Variants in GRM8 observed in about 807,000 individuals in gnomAD.
GRM8 encodes the protein metabotropic glutamate receptor 8.
GRM8 carries 47 observed loss-of-function variants against 87.2 expected under a neutral mutation model. That is an observed-to-expected ratio of 0.54 (90% CI 0.43 to 0.69). GRM8 has a LOEUF of 0.69. GRM8 is among the 30% of genes least tolerant of loss of function. The pLI, the probability that GRM8 is intolerant of heterozygous loss-of-function variation, is 0.00. For missense variants in GRM8, 1,019 were observed against 1,139.2 expected (o/e 0.89, Z 1.52); for synonymous variants, 396 against 404.5 (o/e 0.98, Z 0.25).
intron 2 of GRM8, among the ~76,000 whole-genome samples, chr7:127,209,267 G>A (rs755293723): frequency 6.6e-6 from 1 of 152,152 alleles, no homozygotes; most frequent in Non-Finnish European, 1.5e-5. Flanking sequence ...GCAGTGGCTG[G>A]AAAGAAATTA....
chr7:126,813,848 C>A (rs555102796), intron 6 of GRM8, among the ~76,000 whole-genome samples: 1 of 152,142 alleles, frequency 6.6e-6, no homozygotes, highest in African/African-American at 2.4e-5. Flanking sequence ...AACAAGTAAC[C>A]AAGGCTCATG....
At chr7:127,087,973 T>C (rs941801806) in intron 3 of GRM8, among the ~76,000 whole-genome samples, 2 of 152,116 alleles carry the variant, frequency 1.3e-5, no homozygotes, top group Non-Finnish European at 2.9e-5. Flanking sequence ...CAATCACACA[T>C]GGAATTCCAT....
At chr7:126,844,126 A>G (rs1292761001) in intron 6 of GRM8, among the ~76,000 whole-genome samples, 1 of 152,234 alleles carries the variant, frequency 6.6e-6, no homozygotes, top group Non-Finnish European at 1.5e-5. Context: ...ATTGGAATCT[A>G]CTGACATAAA....
At chr7:127,040,850 A>T (rs914012039) in intron 3 of GRM8, among the ~76,000 whole-genome samples, 1 of 152,180 alleles carries the variant, frequency 6.6e-6, no homozygotes, top group African/African-American at 2.4e-5. Flanking sequence ...CGAGCTGTCT[A>T]ATATGCTACA....
At chr7:126,903,697 A>G (rs531023184) in intron 5 of GRM8, among the ~76,000 whole-genome samples, 147 of 141,610 alleles carry the variant, frequency 1.0e-3, no homozygotes, top group African/African-American at 3.7e-3. Flanking sequence ...GTATATGTGT[A>G]TATATATATG....
In GRM8 at chr7:127,211,175, G is replaced by A. The variant is rs1003619434; in HGVS notation, c.510+31520C>T. ...CTACAACAGGCCATTTGCAAGTTGA[G>A]GAGCAAGGAAGCGAGTCTGAGTCCC... On this transcript the variant is annotated intron_variant, in intron 2 of 10. Coordinates refer to ENST00000339582, the MANE Select transcript of GRM8 (RefSeq NM_000845.3). 3.5e-4 allele frequency among the ~76,000 whole-genome samples: 54 copies of A among 152,196 alleles called. 1 individual carries two copies. The highest frequency in any genetic ancestry group is 1.2e-3 in the African/African-American group (49 of 41,450).
At chr7:126,722,016 A>G (rs1320335785) in intron 7 of GRM8, among the ~76,000 whole-genome samples, 4 of 152,150 alleles carry the variant, frequency 2.6e-5, no homozygotes, top group Non-Finnish European at 4.4e-5. Context: ...TGACTAATTT[A>G]TATGCATGTT....
At chr7:126,529,987 A>C (rs1814544615) in intron 9 of GRM8, among the ~76,000 whole-genome samples, 1 of 152,194 alleles carries the variant, frequency 6.6e-6, no homozygotes, top group African/African-American at 2.4e-5. Context: ...TCTATTGGGA[A>C]AAATGATTCA....
intron 6 of GRM8, among the ~76,000 whole-genome samples, chr7:126,791,907 G>A (rs1186760406): frequency 6.6e-6 from 1 of 152,190 alleles, no homozygotes; most frequent in Non-Finnish European, 1.5e-5. Context: ...AGGCACACCT[G>A]AGCACTCTGT....
chr7:126,512,244 G>T lies in GRM8; in HGVS notation c.2430+20708C>A, dbSNP rs879577108. 1.9e-4 allele frequency: 29 copies of T among 152,214 alleles called. 1 individual carries two copies. Among genetic ancestry groups the T allele is most frequent in the Admixed American group, 1.6e-3 (25 of 15,254 alleles). 9.4% of individuals were successfully genotyped at this position (152,214 alleles called of 1,614,324 possible). ...TGATCAACTGGTATATTCAGCTATG[G>T]CTGGAAAGAGAGAGTTCCCAGGCAA... is the stretch of plus-strand genomic sequence containing the variant. On this transcript the variant is annotated intron_variant, in intron 9 of 10. Coordinates refer to ENST00000339582, the MANE Select transcript of GRM8 (RefSeq NM_000845.3).
chr7:126,571,047 C>T (rs1794649435), intron 8 of GRM8, among the ~76,000 whole-genome samples: 2 of 152,192 alleles, frequency 1.3e-5, no homozygotes, highest in South Asian at 2.1e-4. Context: ...TCAAACCACA[C>T]TGACACAGCT....
At chr7:126,750,134 A>G (rs1385624139) in intron 7 of GRM8, among the ~76,000 whole-genome samples, 2 of 152,276 alleles carry the variant, frequency 1.3e-5, no homozygotes, top group African/African-American at 4.8e-5. Flanking sequence ...TGATATGCAA[A>G]AAGGGAGGTG....
intron 7 of GRM8, among the ~76,000 whole-genome samples, chr7:126,631,818 T>C (rs761345764): frequency 1.2e-4 from 18 of 152,208 alleles, no homozygotes; most frequent in Non-Finnish European, 2.4e-4. Flanking sequence ...CTGGGAGAAC[T>C]GGCTAGCCAT....
chr7:126,798,113 G>A (rs539588640), intron 6 of GRM8, among the ~76,000 whole-genome samples: 1 of 152,164 alleles, frequency 6.6e-6, no homozygotes, highest in South Asian at 2.1e-4. Context: ...ACGTTGCCAA[G>A]TCCAGTGTCT....
At chr7:127,093,228 G>A (rs1824326674) in intron 3 of GRM8, among the ~76,000 whole-genome samples, 1 of 152,162 alleles carries the variant, frequency 6.6e-6, no homozygotes, top group African/African-American at 2.4e-5. Context: ...AAAATGCAAA[G>A]AGGGTAAGCT....
At chr7:127,145,643 T>C (rs1828514952) in intron 2 of GRM8, among the ~76,000 whole-genome samples, 1 of 152,126 alleles carries the variant, frequency 6.6e-6, no homozygotes, top group African/African-American at 2.4e-5. Context: ...ATATAATTCA[T>C]TTATTTTTGA....
intron 8 of GRM8, among the ~76,000 whole-genome samples, chr7:126,555,673 G>A (rs531454696): frequency 2.4e-4 from 37 of 152,262 alleles, no homozygotes; most frequent in Non-Finnish European, 4.6e-4. Flanking sequence ...AGTAAATGAA[G>A]CACCTACTAG....
chr7:127,166,268 T>C (rs2116275657), intron 2 of GRM8, among the ~76,000 whole-genome samples: 1 of 152,298 alleles, frequency 6.6e-6, no homozygotes, highest in Middle Eastern at 3.4e-3. Flanking sequence ...CTGCTTCTTC[T>C]CTCTGGTGAT....
intron 7 of GRM8, among the ~76,000 whole-genome samples, chr7:126,744,112 A>C (rs1047308091): frequency 6.6e-6 from 1 of 152,088 alleles, no homozygotes; most frequent in Non-Finnish European, 1.5e-5. Context: ...GTGTGAGTAA[A>C]AAAACAGTGA....
Sources: allele counts gnomAD v4.1 joint callset (sites outside exome capture counted in the v4.1 genomes callset), GRCh38; gene constraint gnomAD v4.1.1; transcripts MANE v1.5; gene names NCBI Gene and HGNC (gene_info 2026-07-23, HGNC 2026-07-21).